SLC9A8: variants seen among roughly 807,000 people sequenced by gnomAD.
The protein encoded by SLC9A8 is solute carrier family 9 member A8.
A neutral mutation model predicts 66.6 loss-of-function variants in SLC9A8; 48 were observed. The ratio of observed to expected loss-of-function variants is 0.72; its 90% confidence interval spans 0.57 to 0.92. The LOEUF is 0.92. Ranked by LOEUF, SLC9A8 falls within the 40% of genes least tolerant of loss-of-function variation. The pLI is 0.00. For synonymous variants in SLC9A8, 274 were observed against 282.6 expected (o/e 0.97, Z 0.31); for missense variants, 599 against 747.3 (o/e 0.80, Z 2.31).
rs201497607 is a variant in SLC9A8, at chr20:49,884,227, C to CGCG, written c.1491+161_1491+162insGCG. The CGCG allele has an allele frequency of 1.8e-3, 395 of 216,288 alleles. 2 individuals carry two copies. The highest frequency in any genetic ancestry group is 2.5e-3 in the Non-Finnish European group (285 of 113,954). 13.4% of individuals were successfully genotyped at this position (216,288 alleles called of 1,614,324 possible). On this transcript the variant is annotated intron_variant, in intron 14 of 15. Coordinates refer to ENST00000361573, the MANE Select transcript of SLC9A8 (RefSeq NM_015266.3). ...ACACACACACACACACACACACACA[C>CGCG]ACACACACACACACGACACACACAC...
rs1194189186 is a variant in SLC9A8 at position 49,834,452 on chromosome 20, G to GTA, written c.290-5078_290-5077dup. On this transcript the variant is annotated intron_variant, in intron 3 of 15. Transcript: ENST00000361573. ...TATACTGTATATATATATATATACTGTATATATATATACTGTGTATATATA... is the reference window on the plus strand; with the variant it reads ...TATACTGTATATATATATATATACTGTATATATATATATACTGTGTATATATA... Among the ~76,000 whole-genome samples, 83 of 68,566 alleles carry GTA rather than the reference G, an allele frequency of 1.2e-3. 5 individuals are homozygous for GTA. The highest frequency in any genetic ancestry group is 5.4e-3 in the Admixed American group (34 of 6,246). The allele number at this position is 68,566 out of a possible 152,430, so 45.0% of individuals were successfully genotyped here. A position where few individuals can be genotyped will look rare whatever the true frequency, so the allele number is the denominator to read the frequency against.
At chr20:49,822,287 A>G (rs2055698122) in intron 2 of SLC9A8, among the ~76,000 whole-genome samples, 1 of 151,976 alleles carries the variant, frequency 6.6e-6, no homozygotes, top group South Asian at 2.1e-4. Context: ...GTTAAGAGCC[A>G]GTCACATGAT....
chr20:49,858,712 C>CT (rs1459291251), intron 8 of SLC9A8, among the ~76,000 whole-genome samples: 2 of 151,948 alleles, frequency 1.3e-5, no homozygotes, highest in Non-Finnish European at 2.9e-5. Context: ...AATCCCAGCA[C>CT]TTTGGAAGGC....
In SLC9A8 at chr20:49,862,942, T is replaced by C. The variant is rs770262671; in HGVS notation, c.727T>C (p.Leu243=). The C allele has an allele frequency of 6.2e-7, 1 of 1,612,560 alleles. No individual in the cohort carries two copies. The highest frequency in any genetic ancestry group is 1.1e-5 in the South Asian group (1 of 90,838). ...TTCATTTCCTAGCACAGCTGAAGGT[T>C]TAACAAGAAAAAATATGTCAGATGT... ...SIVLTNTAEG[L]TRKNMSDVSG... is the part of the protein sequence containing the mutation. The change falls in exon 9 of 16, where the codon TTA becomes CTA. Residue 243 remains leucine, a synonymous_variant. Transcript: ENST00000361573.
intron 2 of SLC9A8, among the ~76,000 whole-genome samples, chr20:49,820,642 G>A (rs2086702473): frequency 6.6e-6 from 1 of 152,028 alleles, no homozygotes; most frequent in Admixed American, 6.5e-5. Context: ...TACCTCCTGG[G>A]TTCAAGTGAT....
chr20:49,816,658 A>G (rs1600619180), intron 2 of SLC9A8, among the ~76,000 whole-genome samples: 2 of 152,214 alleles, frequency 1.3e-5, no homozygotes, highest in East Asian at 3.9e-4. Context: ...CAAAAAAGAA[A>G]TCCAGTTGAA....
At chr20:49,830,753 A>T (rs1298089809) in intron 3 of SLC9A8, 2 of 756,612 alleles carry the variant, frequency 2.6e-6, no homozygotes, top group Non-Finnish European at 4.7e-6. Context: ...TTGTAAACAT[A>T]GTCCAAGGGA....
intron 10 of SLC9A8, among the ~76,000 whole-genome samples, chr20:49,865,333 A>G (rs2088916147): frequency 6.6e-6 from 1 of 152,200 alleles, no homozygotes. Flanking sequence ...CCATGTACTC[A>G]GTGCTACATA....
Position 49,849,041 on chromosome 20 carries a change from A to T in SLC9A8, c.433-538A>T, listed in dbSNP as rs144987316. Among the ~76,000 whole-genome samples, 207 of 152,302 alleles carry T rather than the reference A, an allele frequency of 1.4e-3. 1 individual carries two copies. The highest frequency in any genetic ancestry group is 2.4e-3 in the Non-Finnish European group (166 of 68,036). Reference sequence around the variant, plus strand: ...GGGTGACTGTGCACTGAGAGCACAGACTAGGATCTGGGAAGAGTTGAAATG... The same window carrying T: ...GGGTGACTGTGCACTGAGAGCACAGTCTAGGATCTGGGAAGAGTTGAAATG... On this transcript the variant is annotated intron_variant, in intron 5 of 15. Coordinates refer to ENST00000361573, the MANE Select transcript of SLC9A8 (RefSeq NM_015266.3).
intron 13 of SLC9A8, among the ~76,000 whole-genome samples, chr20:49,882,924 G>A (rs1016643347): frequency 6.6e-6 from 1 of 152,104 alleles, no homozygotes; most frequent in Admixed American, 6.5e-5. Flanking sequence ...CAGCAGCCTG[G>A]CTGCCCTACC....
At chr20:49,867,831 C>T (rs987661474) in intron 10 of SLC9A8, among the ~76,000 whole-genome samples, 1 of 152,192 alleles carries the variant, frequency 6.6e-6, no homozygotes, top group Non-Finnish European at 1.5e-5. Context: ...TTTCTTCAGA[C>T]GCAAAGCTGA....
At chr20:49,862,739 A>G (rs534070393) in intron 8 of SLC9A8, among the ~76,000 whole-genome samples, 190 bp from the exon 9 acceptor site, 1 of 152,312 alleles carries the variant, frequency 6.6e-6, no homozygotes, top group South Asian at 2.1e-4. Context: ...CTTTGCTCTC[A>G]TCTCTGAACC....
rs567289302 is a variant in SLC9A8, at chr20:49,815,668, C to T, written c.208+479C>T. On this transcript the variant is annotated intron_variant, in intron 2 of 15. Transcript: ENST00000361573. ...GCTGAGGCACGAGAATCACTTGAAC[C>T]TGAGAGGCAGAGGTTGCAGTGAGCC... 3.9e-5 allele frequency among the ~76,000 whole-genome samples: 6 copies of T among 152,124 alleles called. No individual in the cohort carries two copies. In the South Asian group the frequency reaches 1.0e-3, roughly 26 times the overall value.
chr20:49,835,304 C>G (rs1162515273), intron 3 of SLC9A8, among the ~76,000 whole-genome samples: 1 of 151,794 alleles, frequency 6.6e-6, no homozygotes, highest in Non-Finnish European at 1.5e-5. Flanking sequence ...TGGAGGCAAC[C>G]ATCAGTGGGG....
chr20:49,844,619 TA>T (rs35043669), intron 4 of SLC9A8, among the ~76,000 whole-genome samples: 3,017 of 104,808 alleles, frequency 0.029, 55 homozygotes, highest in African/African-American at 0.054. Context: ...CCCTGTATCT[TA>T]AAAAAAAAAA....
intron 9 of SLC9A8, 98 bp from the exon 10 acceptor site, chr20:49,864,641 T>TA (rs2146680625): frequency 1.3e-6 from 1 of 790,380 alleles, no homozygotes; most frequent in South Asian, 1.5e-5. Flanking sequence ...CTATATCTGT[T>TA]GTTTACTTCA....
chr20:49,850,888 C>A, intron 7 of SLC9A8, 44 bp downstream of exon 7: 1 of 1,450,374 alleles, frequency 6.9e-7, no homozygotes, highest in Non-Finnish European at 9.6e-7. Flanking sequence ...GCTTTTCAGA[C>A]AGGGGAAATG....
intron 4 of SLC9A8, among the ~76,000 whole-genome samples, chr20:49,842,778 C>T (rs1320447874): frequency 6.6e-6 from 1 of 152,206 alleles, no homozygotes; most frequent in Non-Finnish European, 1.5e-5. Flanking sequence ...CCTAAAACAA[C>T]AGAGATTTGT....
Position 49,886,681 on chromosome 20 carries a change from G to T in SLC9A8, c.1492-71G>T. 6.4e-7 allele frequency: 1 copy of T among 1,560,972 alleles called. No individual in the cohort carries two copies. Among genetic ancestry groups the T allele is most frequent in the Non-Finnish European group, 8.7e-7 (1 of 1,147,640 alleles). Reference sequence around the variant, plus strand: ...GGGACACTGGCGGCCTGGGTGGTGTGGGGGCTTCCAGGAGGTGCCCCCCGA... The same window carrying T: ...GGGACACTGGCGGCCTGGGTGGTGTTGGGGCTTCCAGGAGGTGCCCCCCGA... On this transcript the variant is annotated intron_variant, in intron 14 of 15. Coordinates refer to ENST00000361573, the MANE Select transcript of SLC9A8 (RefSeq NM_015266.3). The surrounding 1 kb of genome is among the most constrained non-coding windows in gnomAD (Gnocchi z 4.8).
Sources: gnomAD v4.1 joint callset for allele counts (sites outside exome capture counted in the v4.1 genomes callset) on GRCh38, gnomAD v4.1.1 for gene constraint, Gnocchi (gnomAD v3.1) non-coding constraint, MANE v1.5 for transcripts, NCBI Gene and HGNC (gene_info 2026-07-23, HGNC 2026-07-21) for gene names.